The following CNTRL variants were observed in gnomAD, a reference collection of about 807,000 sequenced individuals.
CNTRL encodes centriolin.
In CNTRL, 233 loss-of-function variants were observed where a neutral mutation model predicts 303.7. The ratio of observed to expected loss-of-function variants is 0.77; its 90% CI spans 0.69 to 0.86. The LOEUF (loss-of-function observed/expected upper bound fraction) is 0.86. Ranked by LOEUF, CNTRL falls within the 40% of genes least tolerant of loss-of-function variation. The pLI, the probability that CNTRL is intolerant of heterozygous loss-of-function variation, is 0.00. For missense variants in CNTRL, 2,524 were observed against 2,650.6 expected (o/e 0.95, Z 1.05); for synonymous variants, 900 against 922.2 (o/e 0.98, Z 0.44).
At chr9:121,113,382 T>C in intron 9 of CNTRL, 120 bp from the exon 10 acceptor site, 1 of 532,324 alleles carries the variant, frequency 1.9e-6, no homozygotes, top group Admixed American at 3.3e-5. Flanking sequence ...CTCCTAGGCA[T>C]GTAGAATTTA....
At chr9:121,122,895 G>T (rs563158255) in intron 12 of CNTRL, among the ~76,000 whole-genome samples, 6 of 152,076 alleles carry the variant, frequency 3.9e-5, no homozygotes, top group Admixed American at 1.3e-4. Context: ...TTGTAGAGGG[G>T]TATACCTCCT....
rs148672807 is a variant in CNTRL at position 121,142,260 on chromosome 9, T to C, written c.2861T>C (p.Leu954Ser). ...AGAATTCTGGCCCAACTCCGAGAGT[T>C]AGAGAAAAAGGTAGGGGAGACTTAG... ...KERILAQLRELEKKKKLEDAK... is the reference protein window; with the variant it reads ...KERILAQLRESEKKKKLEDAK... The change falls in exon 19 of 44, where the codon TTA (leucine) becomes TCA (serine). Residue 954 changes from leucine to serine, a missense_variant. Transcript: ENST00000373855. 9.1e-3 allele frequency: 14,517 copies of C among 1,598,346 alleles called. 91 individuals are homozygous for C. The highest frequency in any genetic ancestry group is 0.011 in the South Asian group (947 of 87,770).
chr9:121,140,835 A>G, intron 17 of CNTRL, 49 bp downstream of exon 17: 1 of 1,554,636 alleles, frequency 6.4e-7, no homozygotes, highest in South Asian at 1.2e-5. Flanking sequence ...TCACAACTTG[A>G]GAGTTGTGAG....
At chr9:121,173,120 C>G (rs2053377885) in intron 40 of CNTRL, 123 bp from the exon 41 acceptor site, 1 of 841,800 alleles carries the variant, frequency 1.2e-6, no homozygotes, top group African/African-American at 1.7e-5. Context: ...CAAGTTTTTA[C>G]AGTTCTAGTA....
At position 121,160,294 on chromosome 9, in the gene CNTRL, A is replaced by C. The variant is rs748812274; in HGVS notation, c.5081A>C (p.His1694Pro). ...GTTGTTTTAAGGCAGATGTCTAAACATAAAACCGGTAAGTTTAAAGGAAAA... is the reference window on the plus strand; with the variant it reads ...GTTGTTTTAAGGCAGATGTCTAAACCTAAAACCGGTAAGTTTAAAGGAAAA... ...LQVVLRQMSK[H>P]KTELKNILDM... Residue 1694 changes from histidine (H) to proline (P), a missense_variant, in exon 32 of 44, where the codon CAT (histidine) becomes CCT (proline). By Grantham distance (77) the His-to-Pro change is moderately conservative (BLOSUM62 -2). Transcript: ENST00000373855. The C allele has an allele frequency of 6.6e-7, 1 of 1,518,358 alleles. No homozygotes were observed. The highest frequency in any genetic ancestry group is 8.8e-7 in the Non-Finnish European group (1 of 1,140,488). 94.1% of individuals were successfully genotyped at this position (1,518,358 alleles called of 1,614,324 possible). A position where few individuals can be genotyped will look rare whatever the true frequency, so the allele number is the denominator to read the frequency against.
rs765403259 is a variant in CNTRL at position 121,148,840 on chromosome 9, C to T, written c.3628C>T (p.His1210Tyr). Residue 1210 changes from histidine to tyrosine, a missense_variant, in exon 24 of 44, where the codon CAT (histidine) becomes TAT (tyrosine). His to Tyr is a moderately conservative substitution (Grantham distance 83, BLOSUM62 2). Transcript: ENST00000373855. ...WVYSPIRSGLHKLFPSRDADS... is the reference protein window; with the variant it reads ...WVYSPIRSGLYKLFPSRDADS... ...TTATTCTCCCATCAGGAGTGGGTTA[C>T]ATAAACTGTTTCCAAGTAGAGGTAA... 9.3e-6 allele frequency: 15 copies of T among 1,613,004 alleles called. No individual in the cohort carries two copies. Among genetic ancestry groups the T allele is most frequent in the Non-Finnish European group, 1.1e-5 (13 of 1,179,716 alleles).
At chr9:121,090,540 A>G in intron 4 of CNTRL, 135 bp downstream of exon 4, 1 of 779,404 alleles carries the variant, frequency 1.3e-6, no homozygotes, top group Non-Finnish European at 2.0e-6. Context: ...GTTCTAAATC[A>G]GAAGTATATG....
intron 4 of CNTRL, among the ~76,000 whole-genome samples, chr9:121,092,503 A>G (rs375696649): frequency 4.5e-5 from 3 of 65,988 alleles, no homozygotes; most frequent in African/African-American, 1.6e-4. Context: ...ATCTATATAT[A>G]TAATATATAT....
chr9:121,123,076 A>T (rs1020941610), intron 12 of CNTRL, among the ~76,000 whole-genome samples: 1 of 152,184 alleles, frequency 6.6e-6, no homozygotes, highest in African/African-American at 2.4e-5. Context: ...AACCTTTTTT[A>T]AAAAGTAGAT....
intron 12 of CNTRL, among the ~76,000 whole-genome samples, chr9:121,119,106 G>A (rs1051289823): frequency 1.5e-4 from 23 of 149,038 alleles, no homozygotes; most frequent in African/African-American, 5.7e-4. Context: ...GTGTGTGTGT[G>A]TATACACACA....
At chr9:121,125,628 A>G (rs1180251369) in intron 13 of CNTRL, 88 bp from the exon 14 acceptor site, 1 of 1,150,874 alleles carries the variant, frequency 8.7e-7, no homozygotes, top group African/African-American at 1.6e-5. Flanking sequence ...AAAGCTTAGA[A>G]TTTCACTCTT....
At position 121,107,870 on chromosome 9, in the gene CNTRL, C is replaced by T. The variant is rs780309800; in HGVS notation, c.877C>T (p.Gln293Ter). Residue 293 changes from glutamine to a stop codon, truncating the protein, a stop_gained, in exon 8 of 44, where the codon CAA (glutamine) becomes TAA (stop). Transcript: ENST00000373855. LOFTEE classifies it high-confidence loss of function. ...AGAAACTGAAGAGCTTAAGAGCAAA[C>T]AAACAAGGTTCCTTGAGGAAATTAA... Reference protein sequence around the residue: ...MIETEELKSKQTRFLEEIKNQ... With the variant: ...MIETEELKSK 1 of 1,607,942 alleles carries T rather than the reference C, an allele frequency of 6.2e-7. No homozygotes were observed. The highest frequency in any genetic ancestry group is 1.7e-5 in the Admixed American group (1 of 59,068).
In CNTRL at chr9:121,090,393, C is replaced by T; in HGVS notation, c.336C>T (p.Gly112=). The change falls in exon 4 of 44, where the codon GGC becomes GGT. Residue 112 remains glycine (G), a synonymous_variant. Coordinates refer to ENST00000373855, the MANE Select transcript of CNTRL (RefSeq NM_007018.6). ...ACCTTTCACTTTCTAAAGACGGTGGCAAGAAATTTAAGGTAGGTTACCAAC... is the reference window on the plus strand; with the variant it reads ...ACCTTTCACTTTCTAAAGACGGTGGTAAGAAATTTAAGGTAGGTTACCAAC... ...SLNLSLSKDG[G]KKFKYIENLE... The T allele has an allele frequency of 6.2e-7, 1 of 1,609,850 alleles. No individual in the cohort carries two copies. Among genetic ancestry groups the T allele is most frequent in the African/African-American group, 1.3e-5 (1 of 74,838 alleles).
intron 31 of CNTRL, among the ~76,000 whole-genome samples, chr9:121,159,272 C>A (rs1286240538): frequency 6.6e-6 from 1 of 152,060 alleles, no homozygotes; most frequent in African/African-American, 2.4e-5. Flanking sequence ...TCCAGGAATT[C>A]CCTTTCTCCC....
chr9:121,150,504 CTCTCT>C, intron 25 of CNTRL, 21 bp downstream of exon 25: 1 of 1,603,890 alleles, frequency 6.2e-7, no homozygotes, highest in Non-Finnish European at 8.5e-7. Context: ...AGACATACAA[CTCTCT>C]TTCCACACTG....
chr9:121,150,632 C>T, intron 25 of CNTRL, 149 bp downstream of exon 25: 1 of 727,416 alleles, frequency 1.4e-6, no homozygotes, highest in South Asian at 1.9e-5. Context: ...CAAGCATTCT[C>T]TTATTAAAAT....
chr9:121,126,568 C>T (rs1199999353), intron 14 of CNTRL, among the ~76,000 whole-genome samples: 3 of 152,102 alleles, frequency 2.0e-5, no homozygotes, highest in Admixed American at 6.5e-5. Flanking sequence ...TATTTAACAT[C>T]ATGTACTGAC....
At chr9:121,171,644 T>C in intron 40 of CNTRL, 96 bp downstream of exon 40, 1 of 1,266,994 alleles carries the variant, frequency 7.9e-7, no homozygotes, top group South Asian at 2.0e-5. Context: ...TCTATAGTAG[T>C]ATAGAAAAGC....
At chr9:121,079,029 C>A (rs1205396822) in intron 1 of CNTRL, among the ~76,000 whole-genome samples, 1 of 152,126 alleles carries the variant, frequency 6.6e-6, no homozygotes, top group Non-Finnish European at 1.5e-5. Flanking sequence ...AGCCCCTCTC[C>A]CCTCCCTCTT....
Sources: gnomAD v4.1 joint callset for allele counts (sites outside exome capture counted in the v4.1 genomes callset) on GRCh38, gnomAD v4.1.1 for gene constraint, MANE v1.5 for transcripts, NCBI Gene and HGNC (gene_info 2026-07-23, HGNC 2026-07-21) for gene names.